The following GFRA3 variants were observed in gnomAD, a reference collection of about 807,000 sequenced individuals.
GFRA3 encodes the protein GDNF family receptor alpha 3.
A neutral mutation model predicts 40.0 loss-of-function variants in GFRA3; 24 were observed. The observed-to-expected ratio is 0.60, with a 90% CI of 0.43 to 0.84. The LOEUF (loss-of-function observed/expected upper bound fraction) is 0.84. Ranked by LOEUF, GFRA3 falls within the 40% of genes least tolerant of loss-of-function variation. GFRA3 has a pLI of 0.00. For missense variants in GFRA3, 405 were observed against 530.6 expected (o/e 0.76, Z 2.33); for synonymous variants, 203 against 213.5 (o/e 0.95, Z 0.43).
chr5:138,263,205 G>C (rs1255674372), intron 2 of GFRA3, among the ~76,000 whole-genome samples: 1 of 152,048 alleles, frequency 6.6e-6, no homozygotes, highest in Non-Finnish European at 1.5e-5. Flanking sequence ...GAACTCAAGT[G>C]ATCCGCCTGC....
At chr5:138,272,547 G>A (rs906903997) in intron 1 of GFRA3, among the ~76,000 whole-genome samples, 6 of 151,150 alleles carry the variant, frequency 4.0e-5, no homozygotes, top group Admixed American at 1.3e-4. Context: ...GGAGGCTGAG[G>A]CAGAAGGATT....
intron 1 of GFRA3, among the ~76,000 whole-genome samples, chr5:138,271,907 T>TGTGTGTG (rs61112096): frequency 8.7e-4 from 86 of 98,602 alleles, no homozygotes; most frequent in South Asian, 2.2e-3. Context: ...TTTTTTTTTT[T>TGTGTGTG]TTTTTTTGTG....
chr5:138,257,989 TCTGCACGC>T (rs773436899), intron 3 of GFRA3, 38 bp from the exon 4 acceptor site: 1 of 1,549,554 alleles, frequency 6.5e-7, no homozygotes, highest in South Asian at 1.1e-5. Flanking sequence ...GGCTGGGCCC[TCTGCACGC>T]CTGCACCCCA....
chr5:138,263,270 T>C (rs971113206), intron 2 of GFRA3, among the ~76,000 whole-genome samples: 11 of 152,178 alleles, frequency 7.2e-5, no homozygotes, highest in Non-Finnish European at 1.5e-4. Context: ...CCCGGCTTGA[T>C]GTCAGGTTTG....
chr5:138,271,178 G>A (rs1033448456), intron 1 of GFRA3, among the ~76,000 whole-genome samples: 2 of 151,982 alleles, frequency 1.3e-5, no homozygotes, highest in Non-Finnish European at 2.9e-5. Context: ...TTTTAGTAGA[G>A]ATGCGATTTC....
intron 1 of GFRA3, among the ~76,000 whole-genome samples, chr5:138,271,798 G>A (rs935340862): frequency 6.8e-6 from 1 of 147,722 alleles, no homozygotes; most frequent in African/African-American, 2.6e-5. Context: ...GGCTGGTCTC[G>A]AACTCTTGAG....
chr5:138,266,061 G>A (rs1755778292), intron 1 of GFRA3, among the ~76,000 whole-genome samples: 2 of 152,152 alleles, frequency 1.3e-5, no homozygotes, highest in Admixed American at 1.3e-4. Flanking sequence ...TTTTGTTTAT[G>A]CATTCTTCAG....
chr5:138,259,641 C>T lies in GFRA3; in HGVS notation c.388G>A (p.Glu130Lys), dbSNP rs1230986117. The change falls in exon 3 of 8, where the codon GAG becomes AAG. Residue 130 changes from glutamate to lysine, a missense_variant. Transcript: ENST00000274721. ...TCTTCATAGGGGGAGACATCCAGCT[C>T]ATAGTTACCTAGAGACAAGGTGGGG... is the stretch of plus-strand genomic sequence containing the variant. The part of the protein sequence containing the change: ...VHRARSLGNY[E>K]LDVSPYEDTV... The T allele has an allele frequency of 1.4e-6, 2 of 1,417,718 alleles. No homozygotes were observed. The highest frequency in any genetic ancestry group is 2.0e-6 in the Non-Finnish European group (2 of 1,000,598). 87.8% of individuals were successfully genotyped at this position (1,417,718 alleles called of 1,614,324 possible). A position where few individuals can be genotyped will look rare whatever the true frequency, so the allele number is the denominator to read the frequency against.
At position 138,259,205 on chromosome 5, in the gene GFRA3, G is replaced by C. The variant is rs1043604636; in HGVS notation, c.472+352C>G. Among the ~76,000 whole-genome samples, 209 of 152,304 alleles carry C rather than the reference G, an allele frequency of 1.4e-3. 1 individual carries two copies. Among genetic ancestry groups the C allele is most frequent in the African/African-American group, 4.5e-3 (186 of 41,560 alleles). ...TTTCCTAGTCTTCAGGGACAAAAAG[G>C]CTACTTTCCCAGCTGCCTTGAATGC... is the stretch of plus-strand genomic sequence containing the variant. On this transcript the variant is annotated intron_variant, in intron 3 of 7. Transcript: ENST00000274721.
intron 1 of GFRA3, among the ~76,000 whole-genome samples, chr5:138,269,475 T>G (rs1409529581): frequency 1.1e-4 from 16 of 143,636 alleles, no homozygotes; most frequent in Middle Eastern, 4.3e-3. Flanking sequence ...GGCGGAGGTT[T>G]CAGTGAGCCG....
At chr5:138,266,439 T>C (rs1755783690) in intron 1 of GFRA3, among the ~76,000 whole-genome samples, 1 of 152,232 alleles carries the variant, frequency 6.6e-6, no homozygotes, top group South Asian at 2.1e-4. Context: ...GTTGAGCATA[T>C]TTTTATGTGC....
chr5:138,256,456 A>G (rs1280639400), intron 4 of GFRA3, among the ~76,000 whole-genome samples: 1 of 151,040 alleles, frequency 6.6e-6, no homozygotes, highest in Non-Finnish European at 1.5e-5. Flanking sequence ...TGAACCTGGG[A>G]GGCAGAGGTT....
chr5:138,260,913 C>T (rs1434909939), intron 2 of GFRA3, among the ~76,000 whole-genome samples: 2 of 148,834 alleles, frequency 1.3e-5, no homozygotes, highest in African/African-American at 2.5e-5. Flanking sequence ...CCCAGCTACT[C>T]GAGAGGCTGA....
At position 138,274,331 on chromosome 5, in the gene GFRA3, C is replaced by A; in HGVS notation, c.91+3G>T. On this transcript the variant is annotated splice_donor_region_variant and intron_variant, in intron 1 of 7. Transcript: ENST00000274721. The stretch of plus-strand genomic sequence containing the variant: ...CCCGGCCGGTGCGCGCTCTGACACT[C>A]ACCGGCTGCGAGAGGCAGCGGCGAC... The A allele has an allele frequency of 7.5e-7, 1 of 1,340,512 alleles. No homozygotes were observed. The allele number at this position is 1,340,512 out of a possible 1,614,324, so 83.0% of individuals were successfully genotyped here. A position where few individuals can be genotyped will look rare whatever the true frequency, so the allele number is the denominator to read the frequency against.
At chr5:138,258,737 C>T (rs919925399) in intron 3 of GFRA3, among the ~76,000 whole-genome samples, 1 of 152,152 alleles carries the variant, frequency 6.6e-6, no homozygotes, top group South Asian at 2.1e-4. Context: ...GTTTTGGCTT[C>T]GTCTGCACCT....
chr5:138,256,559 A>C (rs113291207), intron 4 of GFRA3, among the ~76,000 whole-genome samples: 9,349 of 151,738 alleles, frequency 0.062, 466 homozygotes, highest in African/African-American at 0.13. Flanking sequence ...ACAAACAAAA[A>C]AAAAAACAAA....
At chr5:138,262,938 G>A (rs538063541) in intron 2 of GFRA3, among the ~76,000 whole-genome samples, 15 of 152,052 alleles carry the variant, frequency 9.9e-5, no homozygotes, top group Non-Finnish European at 1.5e-4. Context: ...GAAGCCTGAT[G>A]TCATGTTTGT....
chr5:138,258,940 C>T (rs1429794865), intron 3 of GFRA3, among the ~76,000 whole-genome samples: 1 of 152,146 alleles, frequency 6.6e-6, no homozygotes, highest in Non-Finnish European at 1.5e-5. Flanking sequence ...ATGCATGAAA[C>T]TCTATGCCTT....
Position 138,264,451 on chromosome 5 carries a change from G to A in GFRA3, c.189C>T (p.His63=), listed in dbSNP as rs764367750. Residue 63 remains histidine, a synonymous_variant, in exon 2 of 8, where the codon CAC becomes CAT. Transcript: ENST00000274721. ...TTATGCTAGAGGTGCAGGAATCCAG[G>A]TGGTGGTAGGCAGCACTGCAGGTGG... The part of the protein sequence containing the change: ...ADPTCSAAYH[H]LDSCTSSIST... 1.2e-6 allele frequency: 2 copies of A among 1,613,966 alleles called. No individual in the cohort carries two copies. The highest frequency in any genetic ancestry group is 2.2e-5 in the South Asian group (2 of 91,072).
Sources: allele counts gnomAD v4.1 joint callset (sites outside exome capture counted in the v4.1 genomes callset), GRCh38; gene constraint gnomAD v4.1.1; transcripts MANE v1.5; gene names NCBI Gene and HGNC (gene_info 2026-07-23, HGNC 2026-07-21).